The following TRAPPC10 variants were observed in gnomAD, a reference collection of about 807,000 sequenced individuals.
TRAPPC10 encodes the protein TRAPP 130 kDa subunit.
TRAPPC10 carries 23 observed loss-of-function variants against 125.5 expected under a neutral mutation model. The observed-to-expected ratio is 0.18, with a 90% CI of 0.13 to 0.26. The LOEUF (loss-of-function observed/expected upper bound fraction) is 0.26. TRAPPC10 is among the 10% of genes least tolerant of loss of function. The pLI, the probability that TRAPPC10 is intolerant of heterozygous loss-of-function variation, is 1.00. For synonymous variants in TRAPPC10, 509 were observed against 518.0 expected (o/e 0.98, Z 0.24); for missense variants, 1,123 against 1,308.4 (o/e 0.86, Z 2.19).
intron 9 of TRAPPC10, among the ~76,000 whole-genome samples, chr21:44,075,995 AC>A (rs2037251790): frequency 6.6e-6 from 1 of 151,934 alleles, no homozygotes; most frequent in South Asian, 2.1e-4. Flanking sequence ...GTTGTGGTGA[AC>A]AAAGATTGCT....
intron 1 of TRAPPC10, among the ~76,000 whole-genome samples, chr21:44,017,340 G>T (rs920177781): frequency 6.6e-6 from 1 of 152,084 alleles, no homozygotes; most frequent in African/African-American, 2.4e-5. Context: ...GCTGTGAAAC[G>T]GGTACAGTAC....
chr21:44,088,251 A>C, intron 17 of TRAPPC10: 1 of 357,994 alleles, frequency 2.8e-6, no homozygotes, highest in South Asian at 3.2e-5. Flanking sequence ...TGACGAGGCC[A>C]GAGGAGGTCT....
chr21:44,095,681 A>C (rs1482084504), intron 20 of TRAPPC10, among the ~76,000 whole-genome samples: 2 of 151,746 alleles, frequency 1.3e-5, no homozygotes, highest in East Asian at 3.9e-4. Context: ...TATCTGCCTC[A>C]GTCTCCGGAG....
Position 44,033,978 on chromosome 21 carries a change from A to G in TRAPPC10, c.149+1806A>G, listed in dbSNP as rs979286436. On this transcript the variant is annotated intron_variant, in intron 2 of 22. Coordinates refer to ENST00000291574, the MANE Select transcript of TRAPPC10 (RefSeq NM_003274.5). ...TAAACAAATAAATGGACTAAAAAAA[A>G]TGGACCAAACAAATGCTAAACAAAT... Among the ~76,000 whole-genome samples, 5 of 152,368 alleles carry G rather than the reference A, an allele frequency of 3.3e-5. No individual in the cohort carries two copies. In the South Asian group the frequency reaches 1.0e-3, roughly 32 times the overall value.
chr21:44,066,330 C>T (rs1036038795), intron 7 of TRAPPC10, among the ~76,000 whole-genome samples: 2 of 152,322 alleles, frequency 1.3e-5, no homozygotes, highest in Non-Finnish European at 2.9e-5. Flanking sequence ...GGGAGCAAGA[C>T]GGCCGGATAG....
Position 44,082,872 on chromosome 21 carries a change from G to A in TRAPPC10, c.1808G>A (p.Gly603Asp). 6.2e-7 allele frequency: 1 copy of A among 1,614,102 alleles called. No homozygotes were observed. Among genetic ancestry groups the A allele is most frequent in the Middle Eastern group, 1.6e-4 (1 of 6,062 alleles). ...CCCTCCAATGCCGTGGTCCACGTGGGCGGCGTTTTGTGCGTTGAGATAACC... is the reference window on the plus strand; with the variant it reads ...CCCTCCAATGCCGTGGTCCACGTGGACGGCGTTTTGTGCGTTGAGATAACC... The part of the protein sequence containing the change: ...FDPSNAVVHV[G>D]GVLCVEITMY... The change falls in exon 14 of 23, where the codon GGC (glycine) becomes GAC (aspartate). Residue 603 changes from glycine (G) to aspartate (D), a missense_variant. Physicochemically the swap from Gly to Asp is moderately conservative, Grantham distance 94. Around this residue, in one of 4 missense-constraint regions of TRAPPC10, gnomAD observed 840 missense variants for 902.0 expected, o/e 0.93. Transcript: ENST00000291574. The surrounding 1 kb of genome is among the most constrained non-coding windows in gnomAD (Gnocchi z 4.4).
At chr21:44,066,303 C>T (rs767585483) in intron 7 of TRAPPC10, among the ~76,000 whole-genome samples, 9 of 152,204 alleles carry the variant, frequency 5.9e-5, no homozygotes, top group Admixed American at 2.0e-4. Context: ...ACTCCAGGGG[C>T]GACGGGGGCT....
Position 44,091,739 on chromosome 21 carries a change from A to G in TRAPPC10, c.2871-184A>G, listed in dbSNP as rs543473463. ...AGGCGTGAGCCACCGTGCCCGGCCA[A>G]AAAGGTTTATTTTCTGGCACTTTTC... On this transcript the variant is annotated intron_variant, in intron 18 of 22. Transcript: ENST00000291574. The G allele has an allele frequency of 2.6e-5, 15 of 572,346 alleles. No individual in the cohort carries two copies. In the South Asian group the frequency reaches 2.7e-4, roughly 10 times the overall value. 35.5% of individuals were successfully genotyped at this position (572,346 alleles called of 1,614,324 possible).
In TRAPPC10 at chr21:44,084,145, A is replaced by C; in HGVS notation, c.2262A>C (p.Thr754=). Residue 754 remains threonine (T), a synonymous_variant, in exon 15 of 23, where the codon ACA becomes ACC. Coordinates refer to ENST00000291574, the MANE Select transcript of TRAPPC10 (RefSeq NM_003274.5). ...RTQAKEPGTY[T]LRQLCASVGS... is the part of the protein sequence containing the mutation. ...AGGCCAAGGAACCTGGAACGTATACACTCAGGCAGCTGTGCGCCTCGGTGG... is the reference window on the plus strand; with the variant it reads ...AGGCCAAGGAACCTGGAACGTATACCCTCAGGCAGCTGTGCGCCTCGGTGG... 6.2e-7 allele frequency: 1 copy of C among 1,614,042 alleles called. No homozygotes were observed. Among genetic ancestry groups the C allele is most frequent in the Middle Eastern group, 1.6e-4 (1 of 6,062 alleles).
At chr21:44,048,732 G>A (rs893096681) in intron 3 of TRAPPC10, among the ~76,000 whole-genome samples, 11 of 150,462 alleles carry the variant, frequency 7.3e-5, no homozygotes, top group Non-Finnish European at 1.5e-4. Context: ...GACCTCAAGT[G>A]ATCTGCCCAC....
intron 20 of TRAPPC10, among the ~76,000 whole-genome samples, chr21:44,095,473 G>C (rs1358976453): frequency 4.0e-5 from 6 of 151,048 alleles, no homozygotes; most frequent in African/African-American, 1.2e-4. Flanking sequence ...CTCTACCTCA[G>C]GTGATCCACC....
intron 3 of TRAPPC10, among the ~76,000 whole-genome samples, chr21:44,044,820 C>G (rs1444771128): frequency 1.3e-4 from 19 of 151,810 alleles, no homozygotes; most frequent in Admixed American, 1.2e-3. Context: ...TCTGCCACCA[C>G]GCCTGGCTAA....
chr21:44,042,049 T>G (rs945496322), intron 3 of TRAPPC10, among the ~76,000 whole-genome samples: 5 of 152,054 alleles, frequency 3.3e-5, no homozygotes, highest in East Asian at 3.8e-4. Context: ...TTGTGCTTTC[T>G]CTCTTTCTTC....
chr21:44,049,626 T>C (rs1265980122), intron 3 of TRAPPC10, among the ~76,000 whole-genome samples: 1 of 152,162 alleles, frequency 6.6e-6, no homozygotes, highest in Admixed American at 6.5e-5. Flanking sequence ...TCCTTCATCA[T>C]CTCACTTGGG....
chr21:44,094,023 A>C (rs1239798099), intron 19 of TRAPPC10, 40 bp from the exon 20 acceptor site: 1 of 1,592,136 alleles, frequency 6.3e-7, no homozygotes, highest in Non-Finnish European at 8.6e-7. Flanking sequence ...CTTTGCGGTT[A>C]TGGTGCTGTG....
chr21:44,071,536 C>T (rs905951719), intron 7 of TRAPPC10, among the ~76,000 whole-genome samples: 16 of 152,272 alleles, frequency 1.1e-4, no homozygotes, highest in Admixed American at 9.2e-4. Flanking sequence ...GCAGAGTGCT[C>T]GGCCCCCTTT....
In TRAPPC10 at chr21:44,055,801, A is replaced by G. The variant is rs1467583626; in HGVS notation, c.586A>G (p.Lys196Glu). The change falls in exon 5 of 23, where the codon AAA becomes GAA. Residue 196 changes from lysine (K) to glutamate (E), a missense_variant. Physicochemically the swap from Lys to Glu is moderately conservative, Grantham distance 56. This residue lies in a region of TRAPPC10 where 15 missense variants were observed against 50.3 expected (regional missense o/e 0.30). Coordinates refer to ENST00000291574, the MANE Select transcript of TRAPPC10 (RefSeq NM_003274.5). ...LRTLLLMSFT[K>E]NLGKFEDDMR... The stretch of plus-strand genomic sequence containing the variant: ...GACATTGCTTCTTATGTCTTTTACC[A>G]AAAACCTAGGCAAGTTTGAGGATGA... The G allele has an allele frequency of 1.2e-6, 2 of 1,613,724 alleles. No homozygotes were observed. Among genetic ancestry groups the G allele is most frequent in the Admixed American group, 1.7e-5 (1 of 60,018 alleles).
intron 12 of TRAPPC10, 98 bp downstream of exon 12, chr21:44,079,802 G>C: frequency 3.7e-6 from 5 of 1,353,280 alleles, no homozygotes; most frequent in Non-Finnish European, 5.1e-6. Context: ...TTATTAAGGA[G>C]AGAAAAGTCC....
chr21:44,088,758 T>C (rs8134117), intron 17 of TRAPPC10: 4,680 of 87,584 alleles, frequency 0.053, 139 homozygotes, highest in African/African-American at 0.21. Context: ...CTGGCGCTGG[T>C]GGCACCTGTG....
Sources: gnomAD v4.1 joint callset for allele counts (sites outside exome capture counted in the v4.1 genomes callset) on GRCh38, gnomAD v4.1.1 for gene constraint, gnomAD v4.1.1 regional missense constraint, Gnocchi (gnomAD v3.1) non-coding constraint, MANE v1.5 for transcripts, NCBI Gene and HGNC (gene_info 2026-07-23, HGNC 2026-07-21) for gene names.